CRHR1: variants seen among roughly 807,000 people sequenced by gnomAD.
The protein encoded by CRHR1 is corticotropin releasing hormone receptor 1.
In CRHR1, 28 loss-of-function variants were observed where a neutral mutation model predicts 56.0. The observed-to-expected ratio is 0.50, with a 90% CI of 0.37 to 0.69. The LOEUF is 0.69. CRHR1 is among the 30% of genes least tolerant of loss of function. The pLI is 0.00. For synonymous variants in CRHR1, 195 were observed against 216.5 expected (o/e 0.90, Z 0.87); for missense variants, 376 against 548.0 (o/e 0.69, Z 3.13).
intron 2 of CRHR1, among the ~76,000 whole-genome samples, chr17:45,813,272 C>A (rs1482454105): frequency 6.6e-6 from 1 of 152,204 alleles, no homozygotes; most frequent in African/African-American, 2.4e-5. Flanking sequence ...CTCCACTCCG[C>A]GGCTGAGGCC....
rs1568051580 is a variant in CRHR1 at position 45,814,791 on chromosome 17, G to A, written c.122-1672G>A. 2.6e-5 allele frequency among the ~76,000 whole-genome samples: 4 copies of A among 152,360 alleles called. No homozygotes were observed. The South Asian group carries it at 8.3e-4, about 32-fold the overall frequency. ...TAACATTCACAGAGACTCCGCTGTG[G>A]CACAGCACCTGGGCTTGGCCCACTC... is the stretch of plus-strand genomic sequence containing the variant. On this transcript the variant is annotated intron_variant, in intron 2 of 12. Coordinates refer to ENST00000314537, the MANE Select transcript of CRHR1 (RefSeq NM_004382.5).
At chr17:45,829,679 G>T in intron 5 of CRHR1, 1 of 1,540,782 alleles carries the variant, frequency 6.5e-7, no homozygotes, top group East Asian at 2.4e-5. Context: ...CGCCAAGGAT[G>T]CAGGTGGCAG....
chr17:45,791,057 G>T (rs368397420), intron 1 of CRHR1, among the ~76,000 whole-genome samples: 1 of 152,202 alleles, frequency 6.6e-6, no homozygotes, highest in Non-Finnish European at 1.5e-5. Context: ...CCCTCCCTCT[G>T]TGATCCATCC....
chr17:45,806,792 A>C (rs1233214562), intron 1 of CRHR1, among the ~76,000 whole-genome samples: 1 of 152,080 alleles, frequency 6.6e-6, no homozygotes, highest in Non-Finnish European at 1.5e-5. Flanking sequence ...AGGCCCCTCC[A>C]AGAGCAGGGC....
rs769867467 is a variant in CRHR1 at position 45,830,512 on chromosome 17, C to T, written c.651C>T (p.Ile217=). 3.5e-5 allele frequency: 56 copies of T among 1,613,622 alleles called. No homozygotes were observed. Among genetic ancestry groups the T allele is most frequent in the East Asian group, 6.7e-5 (3 of 44,886 alleles). The change falls in exon 7 of 13, where the codon ATC becomes ATT. Residue 217 remains isoleucine, a synonymous_variant. Transcript: ENST00000314537. ...FGEGCYLHTA[I]VLTYSTDRLR... The stretch of plus-strand genomic sequence containing the variant: ...AGGGCTGCTACCTGCACACAGCCAT[C>T]GTGCTCACCTACTCCACTGACCGGC...
At chr17:45,789,029 C>G (rs953593508) in intron 1 of CRHR1, among the ~76,000 whole-genome samples, 2 of 152,204 alleles carry the variant, frequency 1.3e-5, no homozygotes, top group African/African-American at 4.8e-5. Flanking sequence ...GAAAACAACA[C>G]ACAACCAGTG....
chr17:45,834,442 T>C (rs1234998575), intron 12 of CRHR1, among the ~76,000 whole-genome samples, 182 bp from the exon 13 acceptor site: 1 of 152,176 alleles, frequency 6.6e-6, no homozygotes, highest in African/African-American at 2.4e-5. Flanking sequence ...TTGAGAAACC[T>C]GTTCCGACAA....
chr17:45,823,532 T>C (rs555700481), intron 4 of CRHR1, among the ~76,000 whole-genome samples: 3 of 150,914 alleles, frequency 2.0e-5, no homozygotes, highest in South Asian at 2.1e-4. Context: ...CTCAGCCTCC[T>C]GAGTAGCTGC....
intron 1 of CRHR1, among the ~76,000 whole-genome samples, chr17:45,802,641 T>G (rs1361779145): frequency 6.6e-6 from 1 of 151,874 alleles, no homozygotes; most frequent in Non-Finnish European, 1.5e-5. Context: ...AGAGGAAAGG[T>G]TGGTTTGGGA....
At chr17:45,830,806 C>T (rs1002347866) in intron 7 of CRHR1, 74 bp from the exon 8 acceptor site, 2 of 1,469,540 alleles carry the variant, frequency 1.4e-6, no homozygotes, top group South Asian at 2.4e-5. Flanking sequence ...GGAGCCTGGG[C>T]TGCACTGGGG....
intron 1 of CRHR1, among the ~76,000 whole-genome samples, chr17:45,791,831 C>A (rs917054583): frequency 9.6e-6 from 1 of 104,522 alleles, no homozygotes; most frequent in Non-Finnish European, 2.1e-5. Context: ...CTCTCTCTCT[C>A]TTTCTCTCTC....
In CRHR1 at chr17:45,834,859, G is replaced by A; in HGVS notation, c.*95G>A. The A allele has an allele frequency of 6.5e-7, 1 of 1,533,898 alleles. No individual in the cohort carries two copies. The highest frequency in any genetic ancestry group is 2.3e-5 in the East Asian group (1 of 43,414). On this transcript the variant is annotated 3_prime_UTR_variant, in exon 13 of 13. Coordinates refer to ENST00000314537, the MANE Select transcript of CRHR1 (RefSeq NM_004382.5). ...CCTGCCTGTGGAGGTGACCTGTTAG[G>A]TCTCATGCCCACTCCCCCAGGAGCA...
intron 1 of CRHR1, among the ~76,000 whole-genome samples, chr17:45,794,918 G>A (rs1291210115): frequency 1.3e-5 from 2 of 152,242 alleles, no homozygotes; most frequent in African/African-American, 4.8e-5. Flanking sequence ...TGGAGCCTCA[G>A]CTGGGTGAGC....
At chr17:45,810,994 G>A (rs1178197801) in intron 2 of CRHR1, among the ~76,000 whole-genome samples, 1 of 152,268 alleles carries the variant, frequency 6.6e-6, no homozygotes, top group Non-Finnish European at 1.5e-5. Flanking sequence ...GACAGCCTGG[G>A]CTGAGTCCCC....
intron 1 of CRHR1, among the ~76,000 whole-genome samples, chr17:45,806,786 C>T (rs1473071254): frequency 6.6e-6 from 1 of 152,118 alleles, no homozygotes; most frequent in African/African-American, 2.4e-5. Context: ...CCTGCCAGGC[C>T]CCTCCAAGAG....
At position 45,833,706 on chromosome 17, in the gene CRHR1, C is replaced by T. The variant is rs1434637286; in HGVS notation, c.930-8C>T. 5.1e-6 allele frequency: 8 copies of T among 1,556,524 alleles called. No individual in the cohort carries two copies. The African/African-American group carries it at 5.4e-5, about 11-fold the overall frequency. On this transcript the variant is annotated splice_region_variant and splice_polypyrimidine_tract_variant and intron_variant, in intron 10 of 12. Coordinates refer to ENST00000314537, the MANE Select transcript of CRHR1 (RefSeq NM_004382.5). ...TGACTCCGAGCCTCCCCACCCGCCC[C>T]ACCCCAGGAAGGCTGTGAAAGCCAC...
intron 1 of CRHR1, among the ~76,000 whole-genome samples, chr17:45,802,875 T>G (rs2061649697): frequency 6.6e-6 from 1 of 152,172 alleles, no homozygotes. Context: ...GAATAAGAAC[T>G]TATAGCCTGT....
At chr17:45,818,949 T>C (rs1362953259) in intron 3 of CRHR1, among the ~76,000 whole-genome samples, 1 of 152,122 alleles carries the variant, frequency 6.6e-6, no homozygotes, top group Non-Finnish European at 1.5e-5. Context: ...GCTCCCTGCT[T>C]GTTGGGCCTG....
chr17:45,797,312 A>ACGG (rs2061538964), intron 1 of CRHR1, among the ~76,000 whole-genome samples: 1 of 102,406 alleles, frequency 9.8e-6, no homozygotes, highest in African/African-American at 4.4e-5. Flanking sequence ...TTTTTTTGAG[A>ACGG]CGGAGTCTCG....
Sources: allele counts gnomAD v4.1 joint callset (sites outside exome capture counted in the v4.1 genomes callset), GRCh38; gene constraint gnomAD v4.1.1; transcripts MANE v1.5; gene names NCBI Gene and HGNC (gene_info 2026-07-23, HGNC 2026-07-21).